ANKFN1: variants seen among roughly 807,000 people sequenced by gnomAD.
The protein encoded by ANKFN1 is ankyrin repeat and fibronectin type III domain containing 1.
ANKFN1 carries 74 observed loss-of-function variants against 108.7 expected under a neutral mutation model. That is an observed-to-expected ratio of 0.68 (90% CI 0.56 to 0.83). ANKFN1 has a LOEUF of 0.83. Among genes scored for constraint, ANKFN1 ranks in the 40% least tolerant of loss-of-function variants. The pLI is 0.00. For missense variants in ANKFN1, 1,505 were observed against 1,382.3 expected (o/e 1.09, Z -1.41); for synonymous variants, 547 against 516.2 (o/e 1.06, Z -0.81).
chr17:56,050,617 C>A (rs953782082), intron 4 of ANKFN1, among the ~76,000 whole-genome samples: 38 of 151,126 alleles, frequency 2.5e-4, no homozygotes, highest in African/African-American at 9.0e-4. Flanking sequence ...GTATGGCTAG[C>A]CAGTTTTCCC....
At position 56,515,658 on chromosome 17, in the gene ANKFN1, T is replaced by A. The variant is rs1287476922; in HGVS notation, c.*4389T>A. Among the ~76,000 whole-genome samples the A allele has an allele frequency of 6.6e-6, 1 of 152,246 alleles. No homozygotes were observed. The highest frequency in any genetic ancestry group is 1.5e-5 in the Non-Finnish European group (1 of 68,044). ...CTTATTCTAAGATCTTAATTCAGAC[T>A]TTTTCTGAGGTGTTGAACTTTGCCA... On this transcript the variant is annotated 3_prime_UTR_variant, in exon 21 of 21. Transcript: ENST00000682825.
In ANKFN1 at chr17:56,118,491, T is replaced by G. The variant is rs116424177; in HGVS notation, c.288+72166T>G. 8.1e-3 allele frequency among the ~76,000 whole-genome samples: 1,230 copies of G among 152,292 alleles called. 17 individuals carry two copies. Among genetic ancestry groups the G allele is most frequent in the African/African-American group, 0.027 (1,137 of 41,568 alleles). On this transcript the variant is annotated intron_variant, in intron 4 of 12. Transcript: ENST00000635860. The stretch of plus-strand genomic sequence containing the variant: ...TCTTAGAATCTGTGATATTTACTTA[T>G]GTCCCTTATTAGTCCCTTACTAATA...
chr17:56,383,573 A>G (rs2047169655), intron 8 of ANKFN1, among the ~76,000 whole-genome samples: 1 of 152,220 alleles, frequency 6.6e-6, no homozygotes, highest in Non-Finnish European at 1.5e-5. Flanking sequence ...CAAAATTGAT[A>G]GACCACTAGC....
At chr17:56,442,642 A>T (rs975349346) in intron 9 of ANKFN1, among the ~76,000 whole-genome samples, 1 of 152,198 alleles carries the variant, frequency 6.6e-6, no homozygotes, top group African/African-American at 2.4e-5. Flanking sequence ...TTGCTGTGAC[A>T]TATAAACATA....
At chr17:56,384,672 A>C (rs1388396517) in intron 8 of ANKFN1, among the ~76,000 whole-genome samples, 2 of 152,226 alleles carry the variant, frequency 1.3e-5, no homozygotes, top group Non-Finnish European at 2.9e-5. Flanking sequence ...CTTATACACC[A>C]ATATAGATAA....
intron 4 of ANKFN1, among the ~76,000 whole-genome samples, chr17:56,101,892 C>T (rs1394183258): frequency 6.6e-6 from 1 of 152,146 alleles, no homozygotes; most frequent in African/African-American, 2.4e-5. Context: ...GGAGGTAGGG[C>T]TATAAGATCT....
intron 4 of ANKFN1, among the ~76,000 whole-genome samples, chr17:56,334,867 T>C (rs111813227): frequency 4.0e-3 from 612 of 152,296 alleles, no homozygotes; most frequent in African/African-American, 0.013. Flanking sequence ...AGGTCTAACA[T>C]TTAAGTCTTT....
At chr17:56,138,553 A>G (rs1907728324) in intron 4 of ANKFN1, among the ~76,000 whole-genome samples, 1 of 145,680 alleles carries the variant, frequency 6.9e-6, no homozygotes, top group Non-Finnish European at 1.5e-5. Context: ...TCTGTCACCC[A>G]GGCTGGATTG....
chr17:56,241,881 A>G (rs1917608415), intron 3 of ANKFN1, among the ~76,000 whole-genome samples: 1 of 152,128 alleles, frequency 6.6e-6, no homozygotes, highest in Admixed American at 6.6e-5. Flanking sequence ...CAAGATGGCT[A>G]TTAAGTGATT....
At chr17:56,351,921 C>A (rs2046258988) in intron 5 of ANKFN1, among the ~76,000 whole-genome samples, 3 of 152,062 alleles carry the variant, frequency 2.0e-5, no homozygotes, top group Admixed American at 2.0e-4. Context: ...CCAAAGTTTG[C>A]CAACAAAAGC....
At chr17:56,331,353 C>T (rs925905444) in intron 4 of ANKFN1, among the ~76,000 whole-genome samples, 1 of 152,188 alleles carries the variant, frequency 6.6e-6, no homozygotes, top group Non-Finnish European at 1.5e-5. Context: ...TCTGTCTACC[C>T]ACCTGTCAAG....
intron 3 of ANKFN1, among the ~76,000 whole-genome samples, chr17:56,274,720 A>G (rs2144203613): frequency 6.6e-6 from 1 of 152,122 alleles, no homozygotes; most frequent in African/African-American, 2.4e-5. Context: ...GGGGCTGGCA[A>G]TTTGCCTGGG....
intron 4 of ANKFN1, among the ~76,000 whole-genome samples, chr17:56,114,738 C>T (rs756899440): frequency 1.7e-4 from 26 of 152,132 alleles, no homozygotes; most frequent in Non-Finnish European, 1.5e-4. Flanking sequence ...GCTAATCAGC[C>T]GATCTTAAAA....
intron 8 of ANKFN1, among the ~76,000 whole-genome samples, chr17:56,388,352 G>A (rs1295663285): frequency 6.6e-6 from 1 of 151,934 alleles, no homozygotes; most frequent in African/African-American, 2.4e-5. Context: ...GGCTGGTCTC[G>A]AACTTCTGAC....
At chr17:56,088,466 T>C (rs1373449984) in intron 4 of ANKFN1, among the ~76,000 whole-genome samples, 1 of 151,152 alleles carries the variant, frequency 6.6e-6, no homozygotes, top group East Asian at 1.9e-4. Flanking sequence ...TTGTCAGGCA[T>C]TGGAAGCCCC....
At chr17:56,259,533 C>T (rs1221448534) in intron 3 of ANKFN1, among the ~76,000 whole-genome samples, 1 of 152,064 alleles carries the variant, frequency 6.6e-6, no homozygotes, top group Non-Finnish European at 1.5e-5. Context: ...TTTCCTCCTC[C>T]ATAAAATGAA....
At chr17:56,312,874 G>A (rs1390913997) in intron 3 of ANKFN1, among the ~76,000 whole-genome samples, 1 of 152,088 alleles carries the variant, frequency 6.6e-6, no homozygotes, top group Admixed American at 6.6e-5. Context: ...AACAACAGTG[G>A]GGGCGGGCAC....
chr17:56,372,525 C>T (rs963877214), intron 6 of ANKFN1, 121 bp from the exon 7 acceptor site: 2 of 870,604 alleles, frequency 2.3e-6, no homozygotes, highest in African/African-American at 1.8e-5. Context: ...ACACAGATCC[C>T]ACTTTTCCCA....
At chr17:56,099,145 G>A (rs1389072287) in intron 4 of ANKFN1, among the ~76,000 whole-genome samples, 2 of 152,188 alleles carry the variant, frequency 1.3e-5, no homozygotes, top group Non-Finnish European at 2.9e-5. Flanking sequence ...GAGGCTTTAT[G>A]AGCAATGGAT....
Sources: gnomAD v4.1 joint callset for allele counts (sites outside exome capture counted in the v4.1 genomes callset) on GRCh38, gnomAD v4.1.1 for gene constraint, MANE v1.5 for transcripts, NCBI Gene and HGNC (gene_info 2026-07-23, HGNC 2026-07-21) for gene names.